HS6ST2: variants seen among roughly 807,000 people sequenced by gnomAD.
HS6ST2 encodes heparan-sulfate 6-O-sulfotransferase 2.
HS6ST2 carries 17 observed loss-of-function variants against 33.0 expected under a neutral mutation model. The observed-to-expected ratio is 0.52, with a 90% CI of 0.35 to 0.77. The LOEUF is 0.77. Ranked by LOEUF, HS6ST2 falls within the 30% of genes least tolerant of loss-of-function variation. The pLI is 0.01. For missense variants in HS6ST2, 519 were observed against 551.7 expected (o/e 0.94, Z 0.59); for synonymous variants, 248 against 237.1 (o/e 1.05, Z -0.42).
intron 2 of HS6ST2, among the ~76,000 whole-genome samples, chrX:132,803,672 G>A (rs2065256224): frequency 8.9e-6 from 1 of 111,938 alleles, no homozygotes; most frequent in Non-Finnish European, 1.9e-5. Flanking sequence ...GCCTCTCAAA[G>A]TGCTGGGATT....
chrX:132,713,954 T>C (rs1426057073), intron 2 of HS6ST2, among the ~76,000 whole-genome samples: 2 of 111,926 alleles, frequency 1.8e-5, no homozygotes, highest in African/African-American at 6.5e-5. Flanking sequence ...TCTCCAGTCC[T>C]ATGACATTTA....
rs139490354 is a variant in HS6ST2 at position 132,939,522 on chromosome X, G to T, written c.947+17286C>A. 5.0e-4 allele frequency among the ~76,000 whole-genome samples: 55 copies of T among 110,692 alleles called. No homozygotes were observed. In the East Asian group the frequency reaches 0.015, roughly 31 times the overall value. On this transcript the variant is annotated intron_variant, in intron 2 of 4. Coordinates refer to ENST00000370833, the MANE Select transcript of HS6ST2 (RefSeq NM_001394073.1). ...CACCTGTAATCCCAGCTACTCAGGA[G>T]GCTGAGGCAGGAGAATTGCTTGAAC...
chrX:132,687,104 T>G (rs1314399378), intron 3 of HS6ST2, among the ~76,000 whole-genome samples: 1 of 111,949 alleles, frequency 8.9e-6, no homozygotes, highest in Non-Finnish European at 1.9e-5. Flanking sequence ...AGTCCTCTGT[T>G]GTGACCATTG....
At chrX:132,874,385 G>A (rs1455976976) in intron 2 of HS6ST2, among the ~76,000 whole-genome samples, 2 of 111,733 alleles carry the variant, frequency 1.8e-5, no homozygotes, top group African/African-American at 3.3e-5. Flanking sequence ...AGGCCATCCT[G>A]GCCAACATGG....
At chrX:132,764,797 C>T (rs1048881020) in intron 2 of HS6ST2, among the ~76,000 whole-genome samples, 3 of 111,885 alleles carry the variant, frequency 2.7e-5, no homozygotes, top group Non-Finnish European at 3.8e-5. Context: ...CATCTGGTTA[C>T]GATTTTTTAA....
intron 2 of HS6ST2, among the ~76,000 whole-genome samples, chrX:132,931,982 C>G (rs1332224297): frequency 1.8e-5 from 2 of 108,909 alleles, no homozygotes; most frequent in Non-Finnish European, 3.8e-5. Context: ...GTCAGGAGAT[C>G]GAGACCATCC....
intron 3 of HS6ST2, among the ~76,000 whole-genome samples, chrX:132,684,224 CAT>C (rs764280543): frequency 0.015 from 1,406 of 94,331 alleles, 27 homozygotes; most frequent in African/African-American, 0.049. Context: ...CATATATATA[CAT>C]ATATATATAT....
chrX:132,667,259 G>A (rs2063816484), intron 4 of HS6ST2, among the ~76,000 whole-genome samples: 2 of 111,703 alleles, frequency 1.8e-5, no homozygotes, highest in Admixed American at 1.9e-4. Flanking sequence ...GGATGTCGGA[G>A]AACTTGTAAT....
At chrX:132,730,437 G>A (rs1313961944) in intron 2 of HS6ST2, among the ~76,000 whole-genome samples, 3 of 112,289 alleles carry the variant, frequency 2.7e-5, no homozygotes, top group Admixed American at 9.4e-5. Flanking sequence ...GAATCAAGCC[G>A]GCTCTGGCCT....
At chrX:132,632,788 AT>A (rs1289306609) in intron 4 of HS6ST2, among the ~76,000 whole-genome samples, 1 of 110,993 alleles carries the variant, frequency 9.0e-6, no homozygotes, top group Non-Finnish European at 1.9e-5. Context: ...CAAGAATTAG[AT>A]GAGGCAACTG....
chrX:132,652,664 A>G (rs2148184031), intron 4 of HS6ST2, among the ~76,000 whole-genome samples: 1 of 111,659 alleles, frequency 9.0e-6, no homozygotes, highest in Admixed American at 9.6e-5. Flanking sequence ...CAAAGATTAT[A>G]TAATCAGAAA....
At chrX:132,685,537 T>C (rs2064010780) in intron 3 of HS6ST2, among the ~76,000 whole-genome samples, 1 of 111,038 alleles carries the variant, frequency 9.0e-6, no homozygotes, top group African/African-American at 3.3e-5. Context: ...CTCTCAAAGT[T>C]GTTACCCAGA....
intron 3 of HS6ST2, among the ~76,000 whole-genome samples, chrX:132,702,182 A>G (rs2064149895): frequency 8.9e-6 from 1 of 112,492 alleles, no homozygotes; most frequent in South Asian, 3.7e-4. Context: ...TAATTGTACT[A>G]CTTTCGAACT....
intron 2 of HS6ST2, among the ~76,000 whole-genome samples, chrX:132,777,924 T>G (rs745813793): frequency 8.9e-6 from 1 of 112,188 alleles, no homozygotes; most frequent in East Asian, 2.8e-4. Context: ...TCTTTCATGT[T>G]CCACGTAGTT....
chrX:132,768,284 C>T (rs1008788885), intron 2 of HS6ST2, among the ~76,000 whole-genome samples: 1 of 91,192 alleles, frequency 1.1e-5, no homozygotes, highest in South Asian at 6.0e-4. Context: ...TGCAGTGAGC[C>T]AAGATCATGC....
Position 132,757,789 on chromosome X carries a change from A to G in HS6ST2, c.948-49295T>C, listed in dbSNP as rs1303907307. 2.7e-5 allele frequency among the ~76,000 whole-genome samples: 3 copies of G among 112,253 alleles called. No homozygotes were observed. In the Admixed American group the frequency reaches 2.8e-4, roughly 11 times the overall value. The stretch of plus-strand genomic sequence containing the variant: ...AAGACTTGGGCCATTCCTCTTTGTG[A>G]TATTTGCCTTTTATGAGAGATTTAG... On this transcript the variant is annotated intron_variant, in intron 2 of 4. Coordinates refer to ENST00000370833, the MANE Select transcript of HS6ST2 (RefSeq NM_001394073.1).
intron 3 of HS6ST2, among the ~76,000 whole-genome samples, chrX:132,681,729 G>T (rs112030679): frequency 8.9e-6 from 1 of 112,168 alleles, no homozygotes; most frequent in African/African-American, 3.2e-5. Flanking sequence ...TATCATCTCC[G>T]TCACCTCTTT....
At chrX:132,944,885 TA>T (rs969847244) in intron 2 of HS6ST2, among the ~76,000 whole-genome samples, 1 of 111,349 alleles carries the variant, frequency 9.0e-6, no homozygotes, top group Non-Finnish European at 1.9e-5. Flanking sequence ...ATGTTAGACC[TA>T]AAACCATAAA....
chrX:132,942,288 T>C (rs2066895092), intron 2 of HS6ST2, among the ~76,000 whole-genome samples: 1 of 112,365 alleles, frequency 8.9e-6, no homozygotes, highest in Non-Finnish European at 1.9e-5. Context: ...TCAGCTTAAG[T>C]GGCCATCAGC....
Sources: gnomAD v4.1 joint callset for allele counts (sites outside exome capture counted in the v4.1 genomes callset) on GRCh38, gnomAD v4.1.1 for gene constraint, MANE v1.5 for transcripts, NCBI Gene and HGNC (gene_info 2026-07-23, HGNC 2026-07-21) for gene names.